The following ZNF257 variants were observed in gnomAD, a reference collection of about 807,000 sequenced individuals.
ZNF257 encodes bone marrow zinc finger 4.
A neutral mutation model predicts 11.9 loss-of-function variants in ZNF257; 12 were observed. The ratio of observed to expected loss-of-function variants is 1.01; its 90% CI spans 0.65 to 1.63. ZNF257 has a LOEUF of 1.63. Ranked by LOEUF, ZNF257 falls within the 40% of genes most tolerant of loss-of-function variation. The pLI, the probability that ZNF257 is intolerant of heterozygous loss-of-function variation, is 0.00. For missense variants in ZNF257, 580 were observed against 665.5 expected, an observed-to-expected ratio of 0.87 and a Z score of 1.41; for synonymous variants, 183 against 222.7, an observed-to-expected ratio of 0.82 and a Z score of 1.59.
intron 3 of ZNF257, among the ~76,000 whole-genome samples, chr19:22,082,987 T>C (rs1312060925): frequency 6.6e-6 from 1 of 152,154 alleles, no homozygotes; most frequent in Non-Finnish European, 1.5e-5. Flanking sequence ...TATCCCTGTG[T>C]TTCTTTATAA....
intron 1 of ZNF257, among the ~76,000 whole-genome samples, chr19:22,071,471 G>GA (rs770810881): frequency 1.3e-5 from 2 of 150,430 alleles, no homozygotes; most frequent in East Asian, 1.9e-4. Context: ...GGAGAAGGAG[G>GA]AAAAAATGGC....
chr19:22,085,526 A>G (rs972431852), intron 3 of ZNF257, among the ~76,000 whole-genome samples: 5 of 151,248 alleles, frequency 3.3e-5, no homozygotes, highest in Non-Finnish European at 4.4e-5. Context: ...TACTGCCTTC[A>G]AGTCCACTGT....
chr19:22,066,808 A>C (rs553509813), intron 1 of ZNF257, among the ~76,000 whole-genome samples: 1 of 152,214 alleles, frequency 6.6e-6, no homozygotes, highest in East Asian at 1.9e-4. Context: ...TGGTGTTGTA[A>C]ATTTTTCTAC....
intron 1 of ZNF257, 142 bp from the exon 2 acceptor site, chr19:22,072,667 A>AG: frequency 1.1e-6 from 1 of 893,370 alleles, no homozygotes; most frequent in Non-Finnish European, 1.7e-6. Context: ...TGTTAAAAAA[A>AG]TATTTTCTTG....
intron 1 of ZNF257, among the ~76,000 whole-genome samples, chr19:22,065,053 CA>C (rs370857838): frequency 0.3 from 33,669 of 113,574 alleles, 4,950 homozygotes; most frequent in African/African-American, 0.5. Flanking sequence ...GACTCCGCCT[CA>C]AAAAAAAAAA....
intron 1 of ZNF257, among the ~76,000 whole-genome samples, chr19:22,071,409 G>A (rs867213769): frequency 1.3e-5 from 2 of 152,022 alleles, no homozygotes; most frequent in Middle Eastern, 3.4e-3. Context: ...GCATATTCTC[G>A]AGATGCAGGT....
chr19:22,052,736 T>C, intron 1 of ZNF257, 101 bp downstream of exon 1: 1 of 1,408,270 alleles, frequency 7.1e-7, no homozygotes, highest in Non-Finnish European at 9.9e-7. Context: ...CAGTCAGCCC[T>C]ACCATCTGCG....
At chr19:22,054,069 G>A (rs1332293417) in intron 1 of ZNF257, among the ~76,000 whole-genome samples, 1 of 133,944 alleles carries the variant, frequency 7.5e-6, no homozygotes, top group Non-Finnish European at 1.5e-5. Flanking sequence ...CCGCTGATTT[G>A]TTTTTCTTTT....
chr19:22,077,814 A>G (rs2022262194), intron 3 of ZNF257, among the ~76,000 whole-genome samples: 1 of 151,834 alleles, frequency 6.6e-6, no homozygotes, highest in Non-Finnish European at 1.5e-5. Flanking sequence ...TGGTAATTTT[A>G]TTTTTGATTA....
At chr19:22,075,194 T>C (rs1438652362) in intron 3 of ZNF257, among the ~76,000 whole-genome samples, 1 of 152,174 alleles carries the variant, frequency 6.6e-6, no homozygotes, top group Non-Finnish European at 1.5e-5. Flanking sequence ...GTAATTCCCA[T>C]ATTATTTTTG....
intron 1 of ZNF257, among the ~76,000 whole-genome samples, chr19:22,064,920 G>A (rs1176967821): frequency 6.6e-6 from 1 of 151,914 alleles, no homozygotes; most frequent in Non-Finnish European, 1.5e-5. Flanking sequence ...CGGGTGTGGT[G>A]GCACGCGCCT....
intron 2 of ZNF257, 33 bp downstream of exon 2, chr19:22,072,968 T>C: frequency 6.4e-7 from 1 of 1,559,454 alleles, no homozygotes; most frequent in Non-Finnish European, 8.6e-7. Context: ...ATTCCTAATA[T>C]ACTCCAAAGG....
intron 1 of ZNF257, chr19:22,065,857 T>C (rs1401205982): frequency 3.3e-5 from 5 of 152,312 alleles, no homozygotes; most frequent in Admixed American, 2.0e-4. Context: ...GTCAGATGTA[T>C]TTCAACATAG....
At chr19:22,060,578 C>G (rs991409283) in intron 1 of ZNF257, 1 of 151,570 alleles carries the variant, frequency 6.6e-6, no homozygotes, top group East Asian at 1.9e-4. Context: ...CTCCGCCTCC[C>G]AGGTTCAAGC....
At chr19:22,069,103 T>A (rs10420019) in intron 1 of ZNF257, among the ~76,000 whole-genome samples, 35,974 of 151,990 alleles carry the variant, frequency 0.24, 5,820 homozygotes, top group African/African-American at 0.46. Flanking sequence ...GGAAAAGAAG[T>A]AGTTCTGGAG....
intron 3 of ZNF257, among the ~76,000 whole-genome samples, chr19:22,079,382 T>C (rs772720312): frequency 2.1e-4 from 32 of 152,152 alleles, no homozygotes; most frequent in Non-Finnish European, 4.0e-4. Flanking sequence ...TTTCTTGTAT[T>C]GGTTGGTCTG....
rs760479238 is a variant in ZNF257 at position 22,088,052 on chromosome 19, G to A, written c.302G>A (p.Arg101Lys). ...TATTTTTTCCAAAAAGTCATACTGA[G>A]GAGATATGATAAATGTGAACATGAG... ...IKYFFQKVIL[R>K]RYDKCEHENL... The change falls in exon 4 of 4, where the codon AGG becomes AAG. Residue 101 changes from arginine (R) to lysine (K), a missense_variant. By Grantham distance (26) the Arg-to-Lys change is conservative (BLOSUM62 2). Coordinates refer to ENST00000594947, the MANE Select transcript of ZNF257 (RefSeq NM_033468.4). The A allele has an allele frequency of 6.2e-7, 1 of 1,600,390 alleles. No individual in the cohort carries two copies. The highest frequency in any genetic ancestry group is 1.1e-5 in the South Asian group (1 of 89,386).
At chr19:22,084,734 G>C (rs1445102036) in intron 3 of ZNF257, among the ~76,000 whole-genome samples, 1 of 125,264 alleles carries the variant, frequency 8.0e-6, no homozygotes, top group Non-Finnish European at 1.6e-5. Flanking sequence ...TAAAATTTTA[G>C]GGTTTTTTTT....
intron 1 of ZNF257, among the ~76,000 whole-genome samples, chr19:22,055,361 A>G (rs2021601273): frequency 6.6e-6 from 1 of 151,840 alleles, no homozygotes; most frequent in Admixed American, 6.6e-5. Context: ...GCCCACCCCA[A>G]CGTTTGGCTA....
Sources: gnomAD v4.1 joint callset for allele counts (sites outside exome capture counted in the v4.1 genomes callset) on GRCh38, gnomAD v4.1.1 for gene constraint, MANE v1.5 for transcripts, NCBI Gene and HGNC (gene_info 2026-07-23, HGNC 2026-07-21) for gene names.